The following SPECC1 variants were observed in gnomAD, a reference collection of about 807,000 sequenced individuals.
The protein encoded by SPECC1 is sperm antigen with calponin homology and coiled-coil domains 1.
A neutral mutation model predicts 104.1 loss-of-function variants in SPECC1; 62 were observed. The ratio of observed to expected loss-of-function variants is 0.60; its 90% CI spans 0.49 to 0.74. SPECC1 has a LOEUF of 0.74. Among genes scored for constraint, SPECC1 ranks in the 30% least tolerant of loss-of-function variants. SPECC1 has a pLI of 0.00. For missense variants in SPECC1, 1,306 were observed against 1,310.5 expected (o/e 1.00, Z 0.05); for synonymous variants, 513 against 501.6 (o/e 1.02, Z -0.30).
intron 4 of SPECC1, among the ~76,000 whole-genome samples, chr17:20,210,254 T>G (rs2037047410): frequency 6.6e-6 from 1 of 152,226 alleles, no homozygotes. Context: ...ATCCAGGTGA[T>G]GTATTGATAT....
At chr17:20,239,910 T>A (rs1255627630) in intron 7 of SPECC1, among the ~76,000 whole-genome samples, 50 of 60,256 alleles carry the variant, frequency 8.3e-4, no homozygotes, top group South Asian at 3.6e-3. Context: ...TTTTTTTTTT[T>A]AAAGACAGGG....
At chr17:20,300,309 C>T (rs913368565) in intron 13 of SPECC1, among the ~76,000 whole-genome samples, 1 of 152,190 alleles carries the variant, frequency 6.6e-6, no homozygotes, top group African/African-American at 2.4e-5. Flanking sequence ...AGCGGCCTCA[C>T]GGGTCACAGG....
In SPECC1 at chr17:20,204,324, G is replaced by A. The variant is rs1451517581; in HGVS notation, c.284-9G>A. ...TATTTTTTCATTTTTTTCTTCTTCT[G>A]TCTTTAAGGGGCCTTTACAACAACT... On this transcript the variant is annotated splice_polypyrimidine_tract_variant and intron_variant, in intron 3 of 14. Coordinates refer to ENST00000395527, the MANE Select transcript of SPECC1 (RefSeq NM_001243439.2). The A allele has an allele frequency of 1.9e-6, 3 of 1,591,250 alleles. No individual in the cohort carries two copies. Among genetic ancestry groups the A allele is most frequent in the South Asian group, 1.2e-5 (1 of 86,782 alleles).
intron 3 of SPECC1, among the ~76,000 whole-genome samples, chr17:20,120,588 G>C (rs1330666914): frequency 1.3e-5 from 2 of 152,122 alleles, no homozygotes; most frequent in Non-Finnish European, 2.9e-5. Context: ...CTATATATTA[G>C]ACTTGTAGGG....
chr17:20,248,203 G>C (rs1405073890), intron 9 of SPECC1, among the ~76,000 whole-genome samples: 3 of 152,198 alleles, frequency 2.0e-5, no homozygotes, highest in Non-Finnish European at 4.4e-5. Context: ...TTTACCAGGA[G>C]AAGCTGCAGA....
Position 20,205,096 on chromosome 17 carries a change from C to A in SPECC1, c.1047C>A (p.Pro349=), listed in dbSNP as rs750853453. 3 of 1,614,186 alleles carry A rather than the reference C, an allele frequency of 1.9e-6. No individual in the cohort carries two copies. Among genetic ancestry groups the A allele is most frequent in the Non-Finnish European group, 2.5e-6 (3 of 1,180,040 alleles). The change falls in exon 4 of 15, where the codon CCC becomes CCA. Residue 349 remains proline (P), a synonymous_variant. Coordinates refer to ENST00000395527, the MANE Select transcript of SPECC1 (RefSeq NM_001243439.2). ...PSRPLSSTSN[P]FKSSKCSTAG... ...GGCCCCTGTCCTCCACCAGTAACCC[C>A]TTTAAGAGTTCAAAGTGTTCTACTG...
chr17:20,076,781 G>A (rs1321060970), intron 1 of SPECC1, among the ~76,000 whole-genome samples: 2 of 152,178 alleles, frequency 1.3e-5, no homozygotes, highest in African/African-American at 4.8e-5. Context: ...TCAACACAGT[G>A]TGGGGGAGCA....
chr17:20,281,981 G>A (rs1295040283), intron 12 of SPECC1, among the ~76,000 whole-genome samples: 13 of 152,236 alleles, frequency 8.5e-5, no homozygotes, highest in African/African-American at 7.2e-5. Flanking sequence ...CTTCGCCTGC[G>A]TTCGGGTGCT....
intron 3 of SPECC1, among the ~76,000 whole-genome samples, chr17:20,124,222 G>C (rs1005076913): frequency 5.3e-5 from 8 of 152,130 alleles, no homozygotes; most frequent in Admixed American, 4.6e-4. Context: ...AGAAATGGAA[G>C]GTGTCTGTTT....
Position 20,098,705 on chromosome 17 carries a change from G to A in SPECC1, c.147+1907G>A, listed in dbSNP as rs189095698. On this transcript the variant is annotated intron_variant, in intron 2 of 14. Coordinates refer to ENST00000395527, the MANE Select transcript of SPECC1 (RefSeq NM_001243439.2). ...GTTTGCTGCTCCCTCTGCCCGGAAA[G>A]CACCTGGTGCCTCTATAGGAAGTGT... Among the ~76,000 whole-genome samples the A allele has an allele frequency of 3.3e-5, 5 of 152,334 alleles. No individual in the cohort carries two copies. In the East Asian group the frequency reaches 9.6e-4, roughly 29 times the overall value.
intron 3 of SPECC1, among the ~76,000 whole-genome samples, chr17:20,149,512 TCA>T (rs1480166132): frequency 6.6e-6 from 1 of 152,240 alleles, no homozygotes; most frequent in East Asian, 1.9e-4. Context: ...GGCAGACATT[TCA>T]CACGTGTTGT....
chr17:20,150,372 A>G (rs1206139490), intron 3 of SPECC1, among the ~76,000 whole-genome samples: 1 of 151,226 alleles, frequency 6.6e-6, no homozygotes, highest in African/African-American at 2.4e-5. Context: ...CAGCCTCCCA[A>G]GTAGCTGGGA....
At chr17:20,133,853 G>C (rs1422427717) in intron 3 of SPECC1, among the ~76,000 whole-genome samples, 1 of 152,112 alleles carries the variant, frequency 6.6e-6, no homozygotes, top group Non-Finnish European at 1.5e-5. Context: ...AACCAGACCA[G>C]TCTCCACTGT....
intron 3 of SPECC1, among the ~76,000 whole-genome samples, chr17:20,170,804 A>C (rs574462274): frequency 2.0e-5 from 3 of 152,298 alleles, no homozygotes; most frequent in Admixed American, 6.5e-5. Context: ...ATTACGGTTT[A>C]TGATAAACCT....
Position 20,238,973 on chromosome 17 carries a change from C to T in SPECC1, c.2351+6568C>T, listed in dbSNP as rs946427901. 1.3e-5 allele frequency: 14 copies of T among 1,037,364 alleles called. No homozygotes were observed. In the African/African-American group the frequency reaches 2.0e-4, roughly 15 times the overall value. 64.3% of individuals were successfully genotyped at this position (1,037,364 alleles called of 1,614,324 possible). A position where few individuals can be genotyped will look rare whatever the true frequency, so the allele number is the denominator to read the frequency against. On this transcript the variant is annotated intron_variant, in intron 7 of 14. Coordinates refer to ENST00000395527, the MANE Select transcript of SPECC1 (RefSeq NM_001243439.2). ...TTTGTTCTACATTTTTTTCTGAATA[C>T]AGTTTCAGAACTTCAAAGTCACATC...
chr17:20,226,259 C>A lies in SPECC1; in HGVS notation c.1864-1154C>A, dbSNP rs1039483183. ...TACTATGCACCAATTAAAGTAATGA[C>A]TTAGCATGATGTGTATCAGTGTGGA... On this transcript the variant is annotated intron_variant, in intron 4 of 14. Coordinates refer to ENST00000395527, the MANE Select transcript of SPECC1 (RefSeq NM_001243439.2). 2.0e-5 allele frequency among the ~76,000 whole-genome samples: 3 copies of A among 152,142 alleles called. No homozygotes were observed. The East Asian group carries it at 5.8e-4, about 29-fold the overall frequency.
chr17:20,311,178 A>G (rs529303939), intron 14 of SPECC1, among the ~76,000 whole-genome samples: 57 of 146,792 alleles, frequency 3.9e-4, no homozygotes, highest in African/African-American at 1.4e-3. Flanking sequence ...TTCAATTGGT[A>G]CATAGGACAG....
chr17:20,053,669 CCTGCCAACAACCAGCA>C (rs2045858321), intron 1 of SPECC1, among the ~76,000 whole-genome samples: 1 of 152,190 alleles, frequency 6.6e-6, no homozygotes, highest in Non-Finnish European at 1.5e-5. Context: ...ATTGAGATCT[CCTGCCAACAACCAGCA>C]CTGCCTTGTC....
chr17:20,254,372 C>G (rs1468713971), intron 10 of SPECC1, among the ~76,000 whole-genome samples: 1 of 152,108 alleles, frequency 6.6e-6, no homozygotes. Flanking sequence ...CCCCATCACC[C>G]CACTTCTCTG....
Sources: gnomAD v4.1 joint callset for allele counts (sites outside exome capture counted in the v4.1 genomes callset) on GRCh38, gnomAD v4.1.1 for gene constraint, MANE v1.5 for transcripts, NCBI Gene and HGNC (gene_info 2026-07-23, HGNC 2026-07-21) for gene names.